The following ZBTB20 variants were observed in gnomAD, a reference collection of about 807,000 sequenced individuals.
ZBTB20 encodes zinc finger and BTB domain-containing protein 20.
A neutral mutation model predicts 56.9 loss-of-function variants in ZBTB20; 9 were observed. The ratio of observed to expected loss-of-function variants is 0.16; its 90% CI spans 0.10 to 0.28. The LOEUF is 0.28. Ranked by LOEUF, ZBTB20 falls within the 10% of genes least tolerant of loss-of-function variation. ZBTB20 has a pLI of 1.00. For synonymous variants in ZBTB20, 417 were observed against 420.7 expected, an observed-to-expected ratio of 0.99 and a Z score of 0.11; for missense variants, 655 against 1,003.0, an observed-to-expected ratio of 0.65 and a Z score of 4.69.
At chr3:115,140,671 G>A (rs780974754) in intron 1 of ZBTB20, among the ~76,000 whole-genome samples, 1 of 152,012 alleles carries the variant, frequency 6.6e-6, no homozygotes, top group Non-Finnish European at 1.5e-5. Flanking sequence ...ACACTAAAAT[G>A]AATTTCTGAT....
intron 4 of ZBTB20, among the ~76,000 whole-genome samples, chr3:114,855,872 A>G (rs2075228140): frequency 6.6e-6 from 1 of 152,218 alleles, no homozygotes; most frequent in African/African-American, 2.4e-5. Flanking sequence ...ATGTTTAGTC[A>G]GTCAAAACAA....
At chr3:114,428,516 G>T (rs528627170) in intron 7 of ZBTB20, among the ~76,000 whole-genome samples, 8 of 152,156 alleles carry the variant, frequency 5.3e-5, no homozygotes, top group African/African-American at 4.8e-5. Flanking sequence ...TTTGGTAGGT[G>T]GGGGGAATGA....
chr3:114,676,091 G>A (rs2061610520), intron 6 of ZBTB20, among the ~76,000 whole-genome samples: 2 of 152,132 alleles, frequency 1.3e-5, no homozygotes, highest in African/African-American at 4.8e-5. Flanking sequence ...AACCTAGGAA[G>A]CCAGACTCTG....
chr3:114,337,065 T>C lies in ZBTB20; in HGVS notation c.*1940A>G, dbSNP rs777821662. ...GAGAGTGGCATCTGGTATGATGCAA[T>C]AGATTGGTGGTCTTTTGAATGGTGG... On this transcript the variant is annotated 3_prime_UTR_variant, in exon 12 of 12. Coordinates refer to ENST00000675478, the MANE Select transcript of ZBTB20 (RefSeq NM_001348800.3). The C allele has an allele frequency of 2.6e-5, 4 of 152,284 alleles. No individual in the cohort carries two copies. The highest frequency in any genetic ancestry group is 1.9e-4 in the East Asian group (1 of 5,194). 9.4% of individuals were successfully genotyped at this position (152,284 alleles called of 1,614,324 possible).
At chr3:114,992,875 C>G (rs749293723) in intron 2 of ZBTB20, among the ~76,000 whole-genome samples, 9 of 151,722 alleles carry the variant, frequency 5.9e-5, no homozygotes, top group Non-Finnish European at 1.0e-4. Flanking sequence ...GGACAGAAAA[C>G]TCAAAGCTAA....
chr3:114,563,194 ACT>A (rs1350432819), intron 6 of ZBTB20, among the ~76,000 whole-genome samples: 3 of 152,200 alleles, frequency 2.0e-5, no homozygotes, highest in Non-Finnish European at 4.4e-5. Context: ...AATTTCTACC[ACT>A]GTCTTTGTCT....
intron 5 of ZBTB20, among the ~76,000 whole-genome samples, chr3:114,715,649 A>T (rs919381768): frequency 1.3e-5 from 2 of 152,216 alleles, no homozygotes; most frequent in African/African-American, 2.4e-5. Flanking sequence ...AGTAATGGTT[A>T]ATGAGAATTA....
intron 6 of ZBTB20, among the ~76,000 whole-genome samples, chr3:114,585,522 G>A (rs555490792): frequency 2.4e-4 from 36 of 152,280 alleles, no homozygotes; most frequent in Admixed American, 1.8e-3. Context: ...ATCTATTTCT[G>A]TGCAGTTCAT....
intron 4 of ZBTB20, among the ~76,000 whole-genome samples, chr3:114,855,996 G>T (rs2075235436): frequency 6.6e-6 from 1 of 152,148 alleles, no homozygotes; most frequent in Non-Finnish European, 1.5e-5. Flanking sequence ...AGGGTATAGA[G>T]AGTGAAAAAC....
At position 114,849,159 on chromosome 3, in the gene ZBTB20, T is replaced by C. The variant is rs142229273; in HGVS notation, c.-416-47985A>G. On this transcript the variant is annotated intron_variant, in intron 4 of 11. Transcript: ENST00000675478. ...AGGAAAGCACTGTTTTCTTTTCTTT[T>C]TTCTTTTTTTTAACAAACCAAGGTC... Among the ~76,000 whole-genome samples the C allele has an allele frequency of 8.5e-5, 13 of 152,340 alleles. No individual in the cohort carries two copies. In the East Asian group the frequency reaches 2.3e-3, roughly 27 times the overall value.
At chr3:115,059,165 T>C (rs896026096) in intron 2 of ZBTB20, among the ~76,000 whole-genome samples, 2 of 152,224 alleles carry the variant, frequency 1.3e-5, no homozygotes, top group Non-Finnish European at 2.9e-5. Flanking sequence ...GAACGTTTTT[T>C]CATTGGTAAT....
At chr3:114,975,190 T>C (rs986557020) in intron 2 of ZBTB20, among the ~76,000 whole-genome samples, 4 of 152,114 alleles carry the variant, frequency 2.6e-5, no homozygotes, top group African/African-American at 9.7e-5. Flanking sequence ...ATTTTGACTA[T>C]AGAAAGATTT....
chr3:114,425,773 A>C (rs1376550945), intron 7 of ZBTB20, among the ~76,000 whole-genome samples: 1 of 152,176 alleles, frequency 6.6e-6, no homozygotes, highest in Non-Finnish European at 1.5e-5. Flanking sequence ...ATCTCTACTT[A>C]GATGGCTGCT....
chr3:114,944,659 A>C (rs1002907576), intron 3 of ZBTB20, among the ~76,000 whole-genome samples: 1 of 145,802 alleles, frequency 6.9e-6, no homozygotes, highest in Non-Finnish European at 1.5e-5. Flanking sequence ...TAGAAAATAA[A>C]GAAATCCTGT....
chr3:115,114,905 T>C (rs1479226884), intron 1 of ZBTB20, among the ~76,000 whole-genome samples: 1 of 152,092 alleles, frequency 6.6e-6, no homozygotes, highest in Admixed American at 6.6e-5. Context: ...AATTAGAACC[T>C]TGTCATTCTG....
At chr3:114,754,677 T>G (rs2067863985) in intron 5 of ZBTB20, among the ~76,000 whole-genome samples, 1 of 152,196 alleles carries the variant, frequency 6.6e-6, no homozygotes, top group Non-Finnish European at 1.5e-5. Context: ...TTATCTCTAG[T>G]GCCCAGACTC....
intron 3 of ZBTB20, among the ~76,000 whole-genome samples, chr3:114,916,417 T>C (rs966067109): frequency 2.0e-5 from 3 of 152,116 alleles, no homozygotes; most frequent in Admixed American, 6.5e-5. Context: ...TGTTTTTCTA[T>C]GTACATATTA....
At chr3:114,811,450 T>A (rs535813473) in intron 4 of ZBTB20, among the ~76,000 whole-genome samples, 1 of 152,136 alleles carries the variant, frequency 6.6e-6, no homozygotes, top group Non-Finnish European at 1.5e-5. Context: ...ACAAAATAAC[T>A]CCTATCACAT....
In ZBTB20 at chr3:115,054,507, C is replaced by A. The variant is rs76267844; in HGVS notation, c.-507+16712G>T. Among the ~76,000 whole-genome samples the A allele has an allele frequency of 6.6e-3, 1,001 of 152,176 alleles. 13 individuals carry two copies. Among genetic ancestry groups the A allele is most frequent in the African/African-American group, 0.023 (941 of 41,542 alleles). On this transcript the variant is annotated intron_variant, in intron 2 of 11. Transcript: ENST00000675478. The stretch of plus-strand genomic sequence containing the variant: ...GCAGCATTAGAACCCAAACTCAAAT[C>A]TTTTCCCCGTCAAGTATTCCATTAG...
Sources: gnomAD v4.1 joint callset for allele counts (sites outside exome capture counted in the v4.1 genomes callset) on GRCh38, gnomAD v4.1.1 for gene constraint, MANE v1.5 for transcripts, NCBI Gene and HGNC (gene_info 2026-07-23, HGNC 2026-07-21) for gene names.